The following LEMD1 variants were observed in gnomAD, a reference collection of about 807,000 sequenced individuals.
The protein encoded by LEMD1 is LEM domain-containing protein 1.
In LEMD1, 18 loss-of-function variants were observed where a neutral mutation model predicts 17.4. That is an observed-to-expected ratio of 1.04 (90% CI 0.72 to 1.54). The LOEUF (loss-of-function observed/expected upper bound fraction) is 1.54. LEMD1 is among the 40% of genes most tolerant of loss of function. The pLI, the probability that LEMD1 is intolerant of heterozygous loss-of-function variation, is 0.00. For synonymous variants in LEMD1, 88 were observed against 77.8 expected (o/e 1.13, Z -0.69); for missense variants, 195 against 210.4 (o/e 0.93, Z 0.45).
chr1:205,421,188 T>A (rs1302993428), intron 1 of LEMD1, among the ~76,000 whole-genome samples: 1 of 152,214 alleles, frequency 6.6e-6, no homozygotes, highest in Non-Finnish European at 1.5e-5. Context: ...ACAAATTGAT[T>A]CATATAGATT....
At chr1:205,414,719 C>A (rs192374545) in intron 4 of LEMD1, among the ~76,000 whole-genome samples, 1 of 152,050 alleles carries the variant, frequency 6.6e-6, no homozygotes, top group African/African-American at 2.4e-5. Flanking sequence ...CCACCATGCC[C>A]GGCCAGAATT....
At position 205,433,072 on chromosome 1, in the gene LEMD1, T is replaced by C. The variant is rs12057461; in HGVS notation, c.-38-12498A>G. Among the ~76,000 whole-genome samples, 589 of 152,292 alleles carry C rather than the reference T, an allele frequency of 3.9e-3. 8 individuals are homozygous for C. Among genetic ancestry groups the C allele is most frequent in the African/African-American group, 0.013 (548 of 41,558 alleles). On this transcript the variant is annotated intron_variant, in intron 1 of 3. Transcript: ENST00000367154. ...GATGCCTTCCCTGATTCTTCCCTAC[T>C]CTACAGTTGTGTTCTCTCAGGACTC...
rs574572708 is a variant in LEMD1 at position 205,409,038 on chromosome 1, C to T, written c.270+7194G>A. Among the ~76,000 whole-genome samples the T allele has an allele frequency of 5.3e-5, 8 of 152,074 alleles. No homozygotes were observed. The South Asian group carries it at 6.2e-4, about 12-fold the overall frequency. ...GTTTTTAGTAGAGACAGGGTTTCAC[C>T]GTGTTGCCCAGGCTGATCTTGAACT... On this transcript the variant is annotated intron_variant, in intron 4 of 5. Transcript: ENST00000367153.
At chr1:205,444,684 G>A (rs912084882) in intron 1 of LEMD1, among the ~76,000 whole-genome samples, 2 of 152,146 alleles carry the variant, frequency 1.3e-5, no homozygotes, top group Non-Finnish European at 2.9e-5. Context: ...AAACTCCTAG[G>A]TGTCTCGAAT....
At chr1:205,398,767 C>A (rs74677007) in intron 4 of LEMD1, among the ~76,000 whole-genome samples, 2,057 of 151,808 alleles carry the variant, frequency 0.014, 52 homozygotes, top group African/African-American at 0.047. Context: ...TGCCCTGGGG[C>A]AAGGAAGAGG....
intron 4 of LEMD1, among the ~76,000 whole-genome samples, chr1:205,406,721 C>T (rs184569849): frequency 6.6e-5 from 10 of 152,310 alleles, no homozygotes; most frequent in South Asian, 4.1e-4. Context: ...CACTGTCCTG[C>T]GCCCACTGTC....
chr1:205,445,832 AGTGTCAAACTTTC>A (rs1350163428), intron 1 of LEMD1, among the ~76,000 whole-genome samples: 1 of 152,210 alleles, frequency 6.6e-6, no homozygotes, highest in Non-Finnish European at 1.5e-5. Flanking sequence ...GTCAAACTTT[AGTGTCAAACTTTC>A]GAAAGATGGG....
intron 1 of LEMD1, among the ~76,000 whole-genome samples, chr1:205,443,718 G>C (rs1666335467): frequency 6.6e-6 from 1 of 152,226 alleles, no homozygotes; most frequent in African/African-American, 2.4e-5. Flanking sequence ...GGTCCTCACT[G>C]TAAGGTGCAC....
chr1:205,394,956 C>T (rs1664520652), intron 4 of LEMD1, among the ~76,000 whole-genome samples: 1 of 150,680 alleles, frequency 6.6e-6, no homozygotes, highest in African/African-American at 2.4e-5. Flanking sequence ...TACTGCACTA[C>T]AGCCTGGGTG....
At chr1:205,440,876 A>G (rs898045840) in intron 1 of LEMD1, 3 of 152,328 alleles carry the variant, frequency 2.0e-5, no homozygotes, top group African/African-American at 7.2e-5. Flanking sequence ...AGCAGGCACC[A>G]TCAGGCCTGG....
chr1:205,391,363 GT>G (rs1178279574), intron 4 of LEMD1, among the ~76,000 whole-genome samples: 4 of 148,376 alleles, frequency 2.7e-5, no homozygotes, highest in South Asian at 2.1e-4. Context: ...CCCAGGGTTT[GT>G]TTTTTTTTTA....
intron 4 of LEMD1, among the ~76,000 whole-genome samples, chr1:205,399,947 C>T (rs1928442): frequency 0.33 from 50,470 of 152,140 alleles, 9,061 homozygotes; most frequent in African/African-American, 0.46. Context: ...AGGCAGAGTG[C>T]TCTACAGATG....
intron 4 of LEMD1, among the ~76,000 whole-genome samples, chr1:205,392,155 G>A (rs1381147843): frequency 1.3e-5 from 2 of 151,990 alleles, no homozygotes; most frequent in African/African-American, 4.8e-5. Flanking sequence ...CCTGAGGGGA[G>A]ATCATAATAG....
intron 3 of LEMD1, among the ~76,000 whole-genome samples, chr1:205,418,194 G>C (rs1011802502): frequency 1.3e-5 from 2 of 152,190 alleles, no homozygotes; most frequent in African/African-American, 2.4e-5. Context: ...TTCGGCCCAG[G>C]TTGCACTGGT....
At position 205,381,649 on chromosome 1, in the gene LEMD1, C is replaced by T; in HGVS notation, c.*9G>A. ...CCTCGCTTGGAGCATTGCTTTGCTC[C>T]TAAATTACTTAACCAAACAGCGACT... On this transcript the variant is annotated 3_prime_UTR_variant, in exon 6 of 6. Coordinates refer to ENST00000367153, the MANE Select transcript of LEMD1 (RefSeq NM_001199050.2). The T allele has an allele frequency of 1.2e-6, 2 of 1,613,990 alleles. No individual in the cohort carries two copies. The highest frequency in any genetic ancestry group is 8.5e-7 in the Non-Finnish European group (1 of 1,179,874).
intron 4 of LEMD1, 39 bp downstream of exon 4, chr1:205,416,193 A>G (rs1665685984): frequency 7.6e-7 from 1 of 1,323,108 alleles, no homozygotes; most frequent in Admixed American, 2.0e-5. Flanking sequence ...TGTTTTTAAT[A>G]TATGGGTATA....
chr1:205,433,732 TAACA>T (rs1297359935), intron 1 of LEMD1, among the ~76,000 whole-genome samples: 2 of 152,190 alleles, frequency 1.3e-5, no homozygotes, highest in African/African-American at 4.8e-5. Context: ...CCAGACCACT[TAACA>T]AACACTTAGT....
At chr1:205,420,659 T>A in intron 1 of LEMD1, 85 bp from the exon 2 acceptor site, 4 of 745,330 alleles carry the variant, frequency 5.4e-6, no homozygotes, top group Non-Finnish European at 6.9e-6. Flanking sequence ...GTGTTTATAA[T>A]CCTATCTCCC....
chr1:205,417,736 A>C (rs1222660410), intron 3 of LEMD1, among the ~76,000 whole-genome samples: 1 of 151,982 alleles, frequency 6.6e-6, no homozygotes, highest in Non-Finnish European at 1.5e-5. Context: ...TGTCGGGATT[A>C]CAGGATTTTT....
Sources: allele counts gnomAD v4.1 joint callset (sites outside exome capture counted in the v4.1 genomes callset), GRCh38; gene constraint gnomAD v4.1.1; transcripts MANE v1.5; gene names NCBI Gene and HGNC (gene_info 2026-07-23, HGNC 2026-07-21).